TRPS1: variants seen among roughly 807,000 people sequenced by gnomAD.
The protein encoded by TRPS1 is zinc finger transcription factor Trps1.
Under a neutral mutation model 101.2 loss-of-function variants are expected in TRPS1, and 6 were observed. The ratio of observed to expected loss-of-function variants is 0.06; its 90% CI spans 0.03 to 0.12. The LOEUF (loss-of-function observed/expected upper bound fraction) is 0.12, where lower values mean the gene tolerates loss of function less well. Ranked by LOEUF, TRPS1 falls within the 10% of genes least tolerant of loss-of-function variation. The pLI, the probability that TRPS1 is intolerant of heterozygous loss-of-function variation, is 1.00. For synonymous variants in TRPS1, 578 were observed against 589.8 expected (o/e 0.98, Z 0.29); for missense variants, 1,363 against 1,567.0 (o/e 0.87, Z 2.20).
Position 115,619,423 on chromosome 8 carries a change from C to T in TRPS1, c.675G>A (p.Pro225=), listed in dbSNP as rs757893991. Residue 225 remains proline, a synonymous_variant, in exon 3 of 7, where the codon CCG becomes CCA. Coordinates refer to ENST00000395715, the MANE Select transcript of TRPS1 (RefSeq NM_014112.5). ...TDLLVNDNPD[P]APLSPELQDF... ...CCTGAAGCTCTGGAGACAGAGGTGC[C>T]GGGTCTGGGTTGTCATTCACCAGTA... The T allele has an allele frequency of 3.7e-6, 6 of 1,614,032 alleles. No individual in the cohort carries two copies. The East Asian group carries it at 8.9e-5, about 24-fold the overall frequency.
intron 5 of TRPS1, among the ~76,000 whole-genome samples, chr8:115,441,593 T>G (rs1285239924): frequency 2.0e-5 from 3 of 152,216 alleles, no homozygotes; most frequent in Non-Finnish European, 4.4e-5. Context: ...TTCTGTAAGA[T>G]GCTGTTTTAG....
At chr8:115,627,228 C>T (rs1818528827) in intron 1 of TRPS1, among the ~76,000 whole-genome samples, 1 of 151,458 alleles carries the variant, frequency 6.6e-6, no homozygotes, top group Non-Finnish European at 1.5e-5. Flanking sequence ...TATTAAAATC[C>T]CTGATTGGAA....
intron 5 of TRPS1, among the ~76,000 whole-genome samples, chr8:115,459,882 G>A (rs79577951): frequency 0.025 from 3,847 of 152,172 alleles, 70 homozygotes; most frequent in Middle Eastern, 0.058. Context: ...GTGGAGTAAA[G>A]GAAAATTGTC....
intron 5 of TRPS1, among the ~76,000 whole-genome samples, chr8:115,467,769 G>A (rs1052051218): frequency 2.6e-5 from 4 of 152,162 alleles, no homozygotes; most frequent in Non-Finnish European, 4.4e-5. Flanking sequence ...TTAGCTCACT[G>A]TGTAAATAAC....
intron 5 of TRPS1, among the ~76,000 whole-genome samples, chr8:115,480,959 TTAAA>T (rs1193808141): frequency 6.6e-6 from 1 of 152,102 alleles, no homozygotes; most frequent in Non-Finnish European, 1.5e-5. Context: ...TAGAAAATAT[TTAAA>T]TATACTTTAG....
chr8:115,451,345 T>G (rs1813868043), intron 5 of TRPS1, among the ~76,000 whole-genome samples: 1 of 152,108 alleles, frequency 6.6e-6, no homozygotes, highest in South Asian at 2.1e-4. Flanking sequence ...AATGAGTATT[T>G]TCTACGTACC....
At chr8:115,504,246 C>T (rs1314089342) in intron 5 of TRPS1, among the ~76,000 whole-genome samples, 1 of 152,056 alleles carries the variant, frequency 6.6e-6, no homozygotes, top group Non-Finnish European at 1.5e-5. Context: ...ATGTCCAAGG[C>T]CAAGGGGAAT....
At chr8:115,574,617 T>A (rs1817275686) in intron 5 of TRPS1, among the ~76,000 whole-genome samples, 1 of 152,136 alleles carries the variant, frequency 6.6e-6, no homozygotes, top group African/African-American at 2.4e-5. Context: ...AATTTAAATA[T>A]TTCAAAATTC....
intron 5 of TRPS1, among the ~76,000 whole-genome samples, chr8:115,514,922 A>C (rs962964254): frequency 6.6e-6 from 1 of 151,654 alleles, no homozygotes; most frequent in Non-Finnish European, 1.5e-5. Context: ...CCAGTGTAGA[A>C]AAAAAGAATA....
intron 5 of TRPS1, among the ~76,000 whole-genome samples, chr8:115,426,487 C>A (rs1007105041): frequency 6.6e-6 from 1 of 151,832 alleles, no homozygotes; most frequent in African/African-American, 2.4e-5. Flanking sequence ...TTTAGGGCTG[C>A]CTTTATAATA....
At position 115,587,833 on chromosome 8, in the gene TRPS1, GACAC is replaced by G. The variant is rs34198799; in HGVS notation, c.2097-233_2097-230del. On this transcript the variant is annotated intron_variant, in intron 4 of 6. Coordinates refer to ENST00000395715, the MANE Select transcript of TRPS1 (RefSeq NM_014112.5). ...TATTAGCAGTAATAGGTATAACACA[GACAC>G]ACACACACACACACACACGCATCGT... Among the ~76,000 whole-genome samples, 3,648 of 151,026 alleles carry G rather than the reference GACAC, an allele frequency of 0.024. 118 individuals are homozygous for G. Among genetic ancestry groups the G allele is most frequent in the African/African-American group, 0.081 (3,353 of 41,272 alleles).
At chr8:115,519,439 C>T (rs1815802411) in intron 5 of TRPS1, among the ~76,000 whole-genome samples, 1 of 151,458 alleles carries the variant, frequency 6.6e-6, no homozygotes, top group South Asian at 2.1e-4. Flanking sequence ...TTGGAATAAA[C>T]TAAAATCTCA....
intron 5 of TRPS1, among the ~76,000 whole-genome samples, chr8:115,520,549 T>C (rs1815832975): frequency 6.6e-6 from 1 of 151,812 alleles, no homozygotes; most frequent in Non-Finnish European, 1.5e-5. Context: ...TATTTTTATC[T>C]GTTAGCACTG....
intron 1 of TRPS1, among the ~76,000 whole-genome samples, chr8:115,630,347 G>C (rs1250289805): frequency 6.6e-6 from 1 of 151,756 alleles, no homozygotes; most frequent in Admixed American, 6.6e-5. Context: ...ATAAACTTAA[G>C]AATCTATCTA....
At chr8:115,416,485 A>G (rs200204336) in intron 6 of TRPS1, among the ~76,000 whole-genome samples, 1 of 149,568 alleles carries the variant, frequency 6.7e-6, no homozygotes, top group Admixed American at 6.7e-5. Context: ...AACTTTATAA[A>G]TTATACATTA....
At position 115,668,053 on chromosome 8, in the gene TRPS1, G is replaced by T. The variant is rs1197565574; in HGVS notation, c.-122+492C>A. On this transcript the variant is annotated intron_variant, in intron 1 of 6. Coordinates refer to ENST00000395715, the MANE Select transcript of TRPS1 (RefSeq NM_014112.5). ...AGCGAGGGGGAGTGGGGCTGCGAGG[G>T]GGAGGGGGCACCGGCCTGAAACTTC... 11 of 694,896 alleles carry T rather than the reference G, an allele frequency of 1.6e-5. No individual in the cohort carries two copies. The Admixed American group carries it at 3.0e-4, about 19-fold the overall frequency. 43.0% of individuals were successfully genotyped at this position (694,896 alleles called of 1,614,324 possible).
intron 5 of TRPS1, among the ~76,000 whole-genome samples, chr8:115,517,975 A>AT (rs34285750): frequency 1 from 151,776 of 151,776 alleles, 75,888 homozygotes; most frequent in Non-Finnish European, 1. Flanking sequence ...GATCCAGTAG[A>AT]TGTTCAGCAA....
chr8:115,505,164 A>C (rs901301989), intron 5 of TRPS1, among the ~76,000 whole-genome samples: 4 of 152,178 alleles, frequency 2.6e-5, no homozygotes, highest in African/African-American at 9.6e-5. Context: ...TTTCAATGAA[A>C]GAATTATACC....
chr8:115,429,460 C>T (rs143236943), intron 5 of TRPS1, among the ~76,000 whole-genome samples: 2 of 152,290 alleles, frequency 1.3e-5, no homozygotes, highest in African/African-American at 2.4e-5. Flanking sequence ...ACGAGCCTTA[C>T]TCGCACCCGG....
Sources: gnomAD v4.1 joint callset for allele counts (sites outside exome capture counted in the v4.1 genomes callset) on GRCh38, gnomAD v4.1.1 for gene constraint, MANE v1.5 for transcripts, NCBI Gene and HGNC (gene_info 2026-07-23, HGNC 2026-07-21) for gene names.